HACD2: variants seen among roughly 807,000 people sequenced by gnomAD.
HACD2 encodes the protein very-long-chain (3R)-3-hydroxyacyl-CoA dehydratase 2.
A neutral mutation model predicts 31.0 loss-of-function variants in HACD2; 15 were observed. The observed-to-expected ratio is 0.48, with a 90% CI of 0.32 to 0.75. HACD2 has a LOEUF of 0.75. Among genes scored for constraint, HACD2 ranks in the 30% least tolerant of loss-of-function variants. The probability of loss-of-function intolerance (pLI) is 0.03; values close to 1 mark genes in which losing one functional copy is unlikely to be tolerated. For synonymous variants in HACD2, 115 were observed against 122.2 expected, an observed-to-expected ratio of 0.94 and a Z score of 0.39; for missense variants, 283 against 313.0, an observed-to-expected ratio of 0.90 and a Z score of 0.72.
intron 4 of HACD2, among the ~76,000 whole-genome samples, chr3:123,519,084 T>C (rs372319178): frequency 1.7e-4 from 26 of 151,502 alleles, no homozygotes; most frequent in African/African-American, 6.3e-4. Flanking sequence ...AACAAACCTT[T>C]ATGGTCTGAA....
chr3:123,523,861 C>T (rs557011889), intron 4 of HACD2, among the ~76,000 whole-genome samples: 1 of 152,328 alleles, frequency 6.6e-6, no homozygotes, highest in African/African-American at 2.4e-5. Context: ...TTCCTTGGGC[C>T]TCTCTCTTAA....
chr3:123,570,473 G>T (rs1206285126), intron 2 of HACD2, among the ~76,000 whole-genome samples: 1 of 152,108 alleles, frequency 6.6e-6, no homozygotes, highest in Admixed American at 6.5e-5. Context: ...GGAAAAAAGA[G>T]TATTAATAAT....
chr3:123,524,175 C>T (rs563366500), intron 4 of HACD2, among the ~76,000 whole-genome samples: 1 of 152,274 alleles, frequency 6.6e-6, no homozygotes, highest in South Asian at 2.1e-4. Flanking sequence ...AATTACAGCA[C>T]AACACATAGG....
intron 3 of HACD2, among the ~76,000 whole-genome samples, chr3:123,540,880 T>C (rs1234908188): frequency 6.6e-6 from 1 of 152,226 alleles, no homozygotes; most frequent in African/African-American, 2.4e-5. Flanking sequence ...GTACCTTGAA[T>C]GCTGGATAAA....
chr3:123,566,166 C>T (rs528320371), intron 3 of HACD2, among the ~76,000 whole-genome samples: 2 of 152,318 alleles, frequency 1.3e-5, no homozygotes, highest in South Asian at 4.1e-4. Context: ...CACGCCCCTC[C>T]AAATAAACAC....
At chr3:123,582,157 A>G (rs2056972491) in intron 2 of HACD2, 55 bp downstream of exon 2, 1 of 1,205,738 alleles carries the variant, frequency 8.3e-7, no homozygotes, top group Non-Finnish European at 1.2e-6. Flanking sequence ...ATTTAGTTGC[A>G]TGTTTTTCTT....
chr3:123,582,062 G>A (rs573019518), intron 2 of HACD2, 150 bp downstream of exon 2: 2 of 430,516 alleles, frequency 4.6e-6, no homozygotes, highest in East Asian at 7.2e-5. Context: ...ACATCAAAAA[G>A]CCTAGGTATC....
chr3:123,536,530 A>T (rs541200503), intron 3 of HACD2, among the ~76,000 whole-genome samples: 23 of 152,356 alleles, frequency 1.5e-4, no homozygotes, highest in African/African-American at 4.8e-4. Context: ...ACAACCCAAC[A>T]TAAGGATAAC....
At chr3:123,530,862 T>G (rs984749437) in intron 3 of HACD2, among the ~76,000 whole-genome samples, 1 of 151,814 alleles carries the variant, frequency 6.6e-6, no homozygotes, top group Non-Finnish European at 1.5e-5. Flanking sequence ...AAAGTAACTT[T>G]TTGTTGTTGT....
At chr3:123,570,226 C>A (rs1050732442) in intron 2 of HACD2, among the ~76,000 whole-genome samples, 5 of 152,064 alleles carry the variant, frequency 3.3e-5, no homozygotes, top group African/African-American at 1.2e-4. Flanking sequence ...GACCTACCTA[C>A]ACAAAATTTT....
chr3:123,544,332 A>AT (rs1266979676), intron 3 of HACD2, among the ~76,000 whole-genome samples: 1 of 152,230 alleles, frequency 6.6e-6, no homozygotes, highest in African/African-American at 2.4e-5. Flanking sequence ...GAGGTGGAAT[A>AT]TATCTGCAGC....
chr3:123,563,642 TATACACACACACACACACAC>T (rs1559930374), intron 3 of HACD2, among the ~76,000 whole-genome samples: 3 of 105,180 alleles, frequency 2.9e-5, no homozygotes, highest in South Asian at 3.0e-4. Context: ...AAAAAATATA[TATACACACACACACACACAC>T]ACACACACAC....
chr3:123,525,266 A>G (rs2056266378), intron 4 of HACD2, among the ~76,000 whole-genome samples: 1 of 152,228 alleles, frequency 6.6e-6, no homozygotes, highest in Admixed American at 6.5e-5. Flanking sequence ...TAGGTCAAGG[A>G]AAAGCATGTG....
intron 4 of HACD2, among the ~76,000 whole-genome samples, chr3:123,517,719 A>C (rs1043495565): frequency 6.6e-6 from 1 of 152,180 alleles, no homozygotes; most frequent in Non-Finnish European, 1.5e-5. Flanking sequence ...AGAACATGAA[A>C]CTGGCAATAT....
rs2055789282 is a variant in HACD2 at position 123,493,332 on chromosome 3, G to C, written c.*1556C>G. ...GATCGCGCCACTGCACTCCAGCCTGGGCAACAGAGCGAGACTCCGTCTCAA... is the reference window on the plus strand; with the variant it reads ...GATCGCGCCACTGCACTCCAGCCTGCGCAACAGAGCGAGACTCCGTCTCAA... On this transcript the variant is annotated 3_prime_UTR_variant, in exon 7 of 7. Transcript: ENST00000383657. The C allele has an allele frequency of 6.6e-6, 1 of 152,200 alleles. No individual in the cohort carries two copies. The highest frequency in any genetic ancestry group is 2.4e-5 in the African/African-American group (1 of 41,436). The allele number at this position is 152,200 out of a possible 1,614,324, so 9.4% of individuals were successfully genotyped here.
At chr3:123,506,726 C>T (rs998641280) in intron 4 of HACD2, among the ~76,000 whole-genome samples, 1 of 152,156 alleles carries the variant, frequency 6.6e-6, no homozygotes, top group Non-Finnish European at 1.5e-5. Context: ...TGAGCCACTA[C>T]ACCTGGCCAC....
chr3:123,565,866 G>T (rs1443061800), intron 3 of HACD2, among the ~76,000 whole-genome samples: 1 of 152,134 alleles, frequency 6.6e-6, no homozygotes, highest in East Asian at 1.9e-4. Context: ...AATTAAAAAG[G>T]ACTAAAAAGG....
intron 3 of HACD2, among the ~76,000 whole-genome samples, chr3:123,551,958 T>G (rs1477243021): frequency 6.6e-6 from 1 of 152,162 alleles, no homozygotes; most frequent in East Asian, 1.9e-4. Context: ...CACAATTAAT[T>G]GACACAGACT....
rs1328968375 is a variant in HACD2 at position 123,545,137 on chromosome 3, C to A, written c.293-16663G>T. On this transcript the variant is annotated intron_variant, in intron 3 of 6. Coordinates refer to ENST00000383657, the MANE Select transcript of HACD2 (RefSeq NM_198402.5). ...TTCTTCTTTAGTACTTTGGTACTAG[C>A]TGTTTTTTTTTTTTTTTTAAACAAT... 4.3e-5 allele frequency among the ~76,000 whole-genome samples: 6 copies of A among 138,176 alleles called. 1 individual carries two copies. Among genetic ancestry groups the A allele is most frequent in the South Asian group, 4.5e-4 (2 of 4,402 alleles). 90.6% of individuals were successfully genotyped at this position (138,176 alleles called of 152,430 possible).
Sources: allele counts gnomAD v4.1 joint callset (sites outside exome capture counted in the v4.1 genomes callset), GRCh38; gene constraint gnomAD v4.1.1; transcripts MANE v1.5; gene names NCBI Gene and HGNC (gene_info 2026-07-23, HGNC 2026-07-21).